The following COL4A1 variants were observed in gnomAD, a reference collection of about 807,000 sequenced individuals.
The protein encoded by COL4A1 is collagen type IV alpha 1 chain, also known as collagen alpha-1(IV) chain.
COL4A1 carries 40 observed loss-of-function variants against 216.6 expected under a neutral mutation model. The ratio of observed to expected loss-of-function variants is 0.18; its 90% CI spans 0.14 to 0.24. The LOEUF (loss-of-function observed/expected upper bound fraction) is 0.24, where lower values mean the gene tolerates loss of function less well. COL4A1 is among the 10% of genes least tolerant of loss of function. COL4A1 has a pLI of 1.00. For missense variants in COL4A1, 1,628 were observed against 2,196.8 expected, an observed-to-expected ratio of 0.74 and a Z score of 5.18; for synonymous variants, 839 against 810.7, an observed-to-expected ratio of 1.03 and a Z score of -0.59.
intron 1 of COL4A1, among the ~76,000 whole-genome samples, chr13:110,293,298 T>G (rs1884157407): frequency 6.6e-6 from 1 of 152,198 alleles, no homozygotes; most frequent in Non-Finnish European, 1.5e-5. Flanking sequence ...CCTGTGGCAT[T>G]GCTCTGACCC....
At chr13:110,152,001 C>T (rs183506909) in intron 51 of COL4A1, among the ~76,000 whole-genome samples, 20 of 152,310 alleles carry the variant, frequency 1.3e-4, no homozygotes, top group Non-Finnish European at 5.9e-5. Flanking sequence ...CTGCTCACTT[C>T]TTCTCCCCGG....
At chr13:110,286,017 A>G (rs1333749792) in intron 1 of COL4A1, among the ~76,000 whole-genome samples, 1 of 152,170 alleles carries the variant, frequency 6.6e-6, no homozygotes, top group African/African-American at 2.4e-5. Flanking sequence ...CCAGATTCTC[A>G]TAGTGCAGAG....
intron 18 of COL4A1, among the ~76,000 whole-genome samples, chr13:110,202,990 G>A (rs1879316819): frequency 6.6e-6 from 1 of 152,120 alleles, no homozygotes; most frequent in African/African-American, 2.4e-5. Flanking sequence ...AGGTGGGTGG[G>A]TCACCTGAGA....
chr13:110,215,213 T>C (rs1255622272), intron 2 of COL4A1, among the ~76,000 whole-genome samples: 1 of 152,136 alleles, frequency 6.6e-6, no homozygotes, highest in Non-Finnish European at 1.5e-5. Context: ...TTAGCCTCCC[T>C]TGGGCCATCA....
Position 110,192,219 on chromosome 13 carries a change from C to T in COL4A1, c.1531G>A (p.Val511Met). 6.2e-7 allele frequency: 1 copy of T among 1,614,196 alleles called. No homozygotes were observed. Among genetic ancestry groups the T allele is most frequent in the Non-Finnish European group, 8.5e-7 (1 of 1,180,026 alleles). ...GLPGRDGVAG[V>M]PGPQGTPGLI... ...ACTCAGACAGGTTTACTTACTGGCA[C>T]TCCTGCAACACCATCTCTGCCAGGC... The change falls in exon 24 of 52, where the codon GTG becomes ATG. Residue 511 changes from valine to methionine, a missense_variant. Val to Met is a conservative substitution (Grantham distance 21, BLOSUM62 1). Transcript: ENST00000375820.
intron 47 of COL4A1, among the ~76,000 whole-genome samples, chr13:110,163,166 A>T (rs1210395537): frequency 2.0e-5 from 3 of 152,160 alleles, no homozygotes; most frequent in South Asian, 2.1e-4. Context: ...CTGAAATAGA[A>T]TTTTCACAGC....
rs996616829 is a variant in COL4A1, at chr13:110,290,406, T to C, written c.84+16538A>G. ...TATGTCCAAGTCATAATTTCTTTTA[T>C]GATTTACCCTCTTAATCAGTACATC... On this transcript the variant is annotated intron_variant, in intron 1 of 51. Coordinates refer to ENST00000375820, the MANE Select transcript of COL4A1 (RefSeq NM_001845.6). 2.0e-5 allele frequency among the ~76,000 whole-genome samples: 3 copies of C among 152,256 alleles called. No individual in the cohort carries two copies. In the East Asian group the frequency reaches 5.8e-4, roughly 29 times the overall value.
At chr13:110,173,299 G>A (rs1164361666) in intron 40 of COL4A1, among the ~76,000 whole-genome samples, 1 of 148,930 alleles carries the variant, frequency 6.7e-6, no homozygotes, top group Non-Finnish European at 1.5e-5. Context: ...AAGAAAGCCA[G>A]CACCAATAGC....
intron 24 of COL4A1, among the ~76,000 whole-genome samples, chr13:110,190,025 T>C (rs1340186364): frequency 6.6e-6 from 1 of 152,222 alleles, no homozygotes. Context: ...CAAACATCAT[T>C]ATATTATTTT....
At position 110,175,184 on chromosome 13, in the gene COL4A1, A is replaced by G. The variant is rs1316146885; in HGVS notation, c.3198+34T>C. On this transcript the variant is annotated intron_variant, in intron 37 of 51. Transcript: ENST00000375820. ...CAGGCAGCATCTCCACTGAGCTGGGAGAAGGGGACCTTTCCACGCAGAGCG... is the reference window on the plus strand; with the variant it reads ...CAGGCAGCATCTCCACTGAGCTGGGGGAAGGGGACCTTTCCACGCAGAGCG... 5 of 1,613,706 alleles carry G rather than the reference A, an allele frequency of 3.1e-6. No homozygotes were observed. In the South Asian group the frequency reaches 3.3e-5, roughly 11 times the overall value.
At chr13:110,214,341 C>T (rs140381455) in intron 2 of COL4A1, among the ~76,000 whole-genome samples, 267 of 152,262 alleles carry the variant, frequency 1.8e-3, no homozygotes, top group African/African-American at 6.2e-3. Flanking sequence ...CCACCCACCT[C>T]GGCCACCAAA....
intron 43 of COL4A1, 34 bp downstream of exon 43, chr13:110,169,595 T>C: frequency 1.2e-6 from 2 of 1,612,938 alleles, no homozygotes; most frequent in Non-Finnish European, 1.7e-6. Context: ...AAAAGACTCC[T>C]TTAAAAATAA....
chr13:110,174,856 G>T (rs1013154473), intron 37 of COL4A1, 107 bp from the exon 38 acceptor site: 3 of 1,078,820 alleles, frequency 2.8e-6, no homozygotes, highest in Non-Finnish European at 4.3e-6. Flanking sequence ...ATATTGCATT[G>T]CAAAACTCCA....
At chr13:110,162,083 T>A in intron 48 of COL4A1, 147 bp downstream of exon 48, 1 of 795,800 alleles carries the variant, frequency 1.3e-6, no homozygotes, top group Admixed American at 1.8e-5. Flanking sequence ...GGGGCCGGGC[T>A]GCTTTTTCAC....
At chr13:110,194,937 C>CA in intron 22 of COL4A1, 86 bp downstream of exon 22, 1 of 1,109,836 alleles carries the variant, frequency 9.0e-7, no homozygotes, top group Non-Finnish European at 1.4e-6. Context: ...TGCCCACCCC[C>CA]ACTTGGCTCC....
At chr13:110,301,597 A>G (rs1475294097) in intron 1 of COL4A1, among the ~76,000 whole-genome samples, 1 of 152,226 alleles carries the variant, frequency 6.6e-6, no homozygotes, top group East Asian at 1.9e-4. Flanking sequence ...AAATCCAGAT[A>G]GTCAACAATA....
chr13:110,231,953 G>A (rs1021934967), intron 2 of COL4A1, among the ~76,000 whole-genome samples: 3 of 152,318 alleles, frequency 2.0e-5, no homozygotes, highest in African/African-American at 2.4e-5. Flanking sequence ...CTAGCAAGAC[G>A]TGTGTAAGAA....
rs1181904947 is a variant in COL4A1 at position 110,203,611 on chromosome 13, C to T, written c.958-4G>A. 3 of 1,613,354 alleles carry T rather than the reference C, an allele frequency of 1.9e-6. No individual in the cohort carries two copies. The highest frequency in any genetic ancestry group is 4.5e-5 in the East Asian group (2 of 44,898). On this transcript the variant is annotated splice_polypyrimidine_tract_variant and splice_region_variant and intron_variant, in intron 17 of 51. Transcript: ENST00000375820. ...GACCTGCTTCACCCTTTTCTCCCTA[C>T]AAAAGAAAAAATAACTTTCCTTGCA...
At chr13:110,152,274 A>G in intron 51 of COL4A1, 60 bp downstream of exon 51, 5 of 1,606,882 alleles carry the variant, frequency 3.1e-6, no homozygotes, top group Non-Finnish European at 4.2e-6. Context: ...ATCGCGGATG[A>G]TTAAAAAATA....
Sources: allele counts gnomAD v4.1 joint callset (sites outside exome capture counted in the v4.1 genomes callset), GRCh38; gene constraint gnomAD v4.1.1; transcripts MANE v1.5; gene names NCBI Gene and HGNC (gene_info 2026-07-23, HGNC 2026-07-21).